The following VCAN variants were observed in gnomAD, a reference collection of about 807,000 sequenced individuals.
VCAN encodes the protein versican core protein.
Under a neutral mutation model 245.5 loss-of-function variants are expected in VCAN, and 44 were observed. The observed-to-expected ratio is 0.18, with a 90% CI of 0.14 to 0.23. The LOEUF (loss-of-function observed/expected upper bound fraction) is 0.23. Among genes scored for constraint, VCAN ranks in the 10% least tolerant of loss-of-function variants. The probability of loss-of-function intolerance (pLI) is 1.00; values close to 1 mark genes in which losing one functional copy is unlikely to be tolerated. For synonymous variants in VCAN, 1,413 were observed against 1,437.0 expected (o/e 0.98, Z 0.38); for missense variants, 3,793 against 4,057.9 (o/e 0.93, Z 1.77).
intron 11 of VCAN, 88 bp from the exon 12 acceptor site, chr5:83,554,868 A>T: frequency 8.0e-7 from 1 of 1,249,838 alleles, no homozygotes; most frequent in South Asian, 1.2e-5. Flanking sequence ...AGGATGCATG[A>T]TTCATGCTGA....
chr5:83,531,171 A>G (rs1337293777), intron 7 of VCAN, among the ~76,000 whole-genome samples: 1 of 152,162 alleles, frequency 6.6e-6, no homozygotes, highest in Non-Finnish European at 1.5e-5. Context: ...GAATCTCTGG[A>G]GTGAGAGGAA....
intron 12 of VCAN, among the ~76,000 whole-genome samples, chr5:83,559,591 T>G (rs1747792498): frequency 6.6e-6 from 1 of 152,090 alleles, no homozygotes; most frequent in African/African-American, 2.4e-5. Context: ...ATACCCTGCA[T>G]AGCCAAGGGT....
Position 83,520,491 on chromosome 5 carries a change from T to A in VCAN, c.2185T>A (p.Ser729Thr). 1 of 1,613,998 alleles carries A rather than the reference T, an allele frequency of 6.2e-7. No individual in the cohort carries two copies. The highest frequency in any genetic ancestry group is 1.1e-5 in the South Asian group (1 of 91,074). Residue 729 changes from serine (S) to threonine (T), a missense_variant, in exon 7 of 15, where the codon TCT becomes ACT. This residue lies in a region of VCAN where 3,182 missense variants were observed against 3,250.3 expected (regional missense o/e 0.98). Coordinates refer to ENST00000265077, the MANE Select transcript of VCAN (RefSeq NM_004385.5). Reference sequence around the variant, plus strand: ...CTTCTCTGGGATGAAACTCTCTACATCTCTCTCAGAGCCAATTCATGTTAC... The same window carrying A: ...CTTCTCTGGGATGAAACTCTCTACAACTCTCTCAGAGCCAATTCATGTTAC... ...EVFSGMKLST[S>T]LSEPIHVTES...
At chr5:83,552,876 C>G (rs1184615248) in intron 10 of VCAN, among the ~76,000 whole-genome samples, 1 of 152,154 alleles carries the variant, frequency 6.6e-6, no homozygotes, top group African/African-American at 2.4e-5. Context: ...TGACAAGAGC[C>G]TGTGACTTCT....
rs528022086 is a variant in VCAN, at chr5:83,545,546, G to C, written c.9275G>C (p.Arg3092Pro). Residue 3092 changes from arginine to proline, a missense_variant, in exon 9 of 15, where the codon CGC becomes CCC. Physicochemically the swap from Arg to Pro is moderately radical, Grantham distance 103 (BLOSUM62 -2). Transcript: ENST00000265077. ...GTAIYLPGPD[R>P]CKMNPCLNGG... ...TTCCTGAATATGGTAGGACCTGATC[G>C]CTGCAAAATGAACCCGTGCCTTAAC... The C allele has an allele frequency of 2.5e-5, 40 of 1,613,980 alleles. No individual in the cohort carries two copies. In the East Asian group the frequency reaches 8.7e-4, roughly 35 times the overall value.
chr5:83,545,163 C>T, intron 8 of VCAN: 1 of 318,504 alleles, frequency 3.1e-6, no homozygotes, highest in Non-Finnish European at 6.1e-6. Flanking sequence ...CATGAACTAA[C>T]CCCATTTAAA....
chr5:83,516,074 T>C (rs1745844631), intron 6 of VCAN, among the ~76,000 whole-genome samples: 1 of 152,094 alleles, frequency 6.6e-6, no homozygotes, highest in South Asian at 2.1e-4. Context: ...CTACTAAAAA[T>C]ACAAAAAATT....
intron 9 of VCAN, among the ~76,000 whole-genome samples, chr5:83,546,481 C>T (rs975039493): frequency 6.6e-5 from 10 of 151,746 alleles, no homozygotes; most frequent in Non-Finnish European, 1.5e-4. Flanking sequence ...ACGAGGCCAG[C>T]GCGGTGGTTC....
At chr5:83,554,389 G>C (rs1488945264) in intron 11 of VCAN, among the ~76,000 whole-genome samples, 1 of 152,200 alleles carries the variant, frequency 6.6e-6, no homozygotes, top group Non-Finnish European at 1.5e-5. Context: ...AATCTGGATA[G>C]AGGTTCATTT....
chr5:83,542,164 A>C lies in VCAN; in HGVS notation c.9161A>C (p.Glu3054Ala). The C allele has an allele frequency of 6.2e-7, 1 of 1,614,128 alleles. No individual in the cohort carries two copies. Residue 3054 changes from glutamate to alanine, a missense_variant, in exon 8 of 15, where the codon GAG (glutamate) becomes GCG (alanine). By Grantham distance (107) the Glu-to-Ala change is moderately radical. Transcript: ENST00000265077. ...ATVNPVEFNT[E>A]VATPPFSLLE... Reference sequence around the variant, plus strand: ...GTAAACCCTGTGGAATTTAATACTGAGGTTGCAACACCACCATTTTCCCTT... The same window carrying C: ...GTAAACCCTGTGGAATTTAATACTGCGGTTGCAACACCACCATTTTCCCTT...
chr5:83,573,628 A>G (rs1393771806), intron 13 of VCAN, among the ~76,000 whole-genome samples: 1 of 152,246 alleles, frequency 6.6e-6, no homozygotes, highest in Non-Finnish European at 1.5e-5. Flanking sequence ...AGCGTGCTTC[A>G]TAAGCCACTT....
intron 5 of VCAN, among the ~76,000 whole-genome samples, chr5:83,496,014 A>G (rs568846996): frequency 6.6e-6 from 1 of 152,176 alleles, no homozygotes; most frequent in Non-Finnish European, 1.5e-5. Context: ...TTTCAAGCCC[A>G]GGGAGGGATT....
rs188886418 is a variant in VCAN at position 83,516,274 on chromosome 5, A to G, written c.1043-3075A>G. Among the ~76,000 whole-genome samples the G allele has an allele frequency of 3.3e-3, 497 of 151,952 alleles. 2 individuals are homozygous for G. Among genetic ancestry groups the G allele is most frequent in the African/African-American group, 0.011 (476 of 41,406 alleles). On this transcript the variant is annotated intron_variant, in intron 6 of 14. Coordinates refer to ENST00000265077, the MANE Select transcript of VCAN (RefSeq NM_004385.5). ...ACTCCAGCCTGGACTACAGAGCAAG[A>G]CTCTGTCTCAAAAAAAAAAATTATA...
chr5:83,525,376 A>G (rs1388057020), intron 7 of VCAN, among the ~76,000 whole-genome samples: 1 of 152,176 alleles, frequency 6.6e-6, no homozygotes, highest in Non-Finnish European at 1.5e-5. Context: ...TTGAAGCTGT[A>G]GGAAGAGTTT....
Position 83,539,430 on chromosome 5 carries a change from C to G in VCAN, c.6427C>G (p.Gln2143Glu). The G allele has an allele frequency of 6.2e-7, 1 of 1,613,644 alleles. No homozygotes were observed. The highest frequency in any genetic ancestry group is 8.5e-7 in the Non-Finnish European group (1 of 1,179,854). The stretch of plus-strand genomic sequence containing the variant: ...AACAGAACAAACAATCTTTGATTCA[C>G]AGACATTTACTGAAACTGAACTCAA... ...PATEQTIFDS[Q>E]TFTETELKTT... The change falls in exon 8 of 15, where the codon CAG (glutamine) becomes GAG (glutamate). Residue 2143 changes from glutamine (Q) to glutamate (E), a missense_variant. Gln to Glu is a conservative substitution (Grantham distance 29). This residue lies in a region of VCAN where 3,182 missense variants were observed against 3,250.3 expected (regional missense o/e 0.98). Transcript: ENST00000265077.
chr5:83,567,484 TAG>T lies in VCAN; in HGVS notation c.9736-4928_9736-4927del, dbSNP rs1748128879. ...TCCGGCTAATTTTTTGTATTTTTAG[TAG>T]AGACGGGGTTTCACTATGTTGGCCA... On this transcript the variant is annotated intron_variant, in intron 12 of 14. Coordinates refer to ENST00000265077, the MANE Select transcript of VCAN (RefSeq NM_004385.5). Among the ~76,000 whole-genome samples the T allele has an allele frequency of 1.6e-4, 8 of 48,714 alleles. No homozygotes were observed. The South Asian group carries it at 4.2e-3, about 26-fold the overall frequency. 32.0% of individuals were successfully genotyped at this position (48,714 alleles called of 152,430 possible).
At chr5:83,494,297 C>T (rs1745087904) in intron 5 of VCAN, among the ~76,000 whole-genome samples, 1 of 152,096 alleles carries the variant, frequency 6.6e-6, no homozygotes, top group Admixed American at 6.5e-5. Context: ...ACTGTGAATC[C>T]AAGTACTGAT....
intron 10 of VCAN, among the ~76,000 whole-genome samples, chr5:83,550,928 T>G (rs1473765435): frequency 7.5e-6 from 1 of 133,674 alleles, no homozygotes; most frequent in African/African-American, 2.7e-5. Context: ...TGTGGATAGT[T>G]GGCTTTGTTT....
chr5:83,473,786 C>G (rs1744286494), intron 1 of VCAN, among the ~76,000 whole-genome samples: 1 of 152,234 alleles, frequency 6.6e-6, no homozygotes, highest in Admixed American at 6.5e-5. Flanking sequence ...AAGCGAGCAT[C>G]TTTCACAACC....
Sources: gnomAD v4.1 joint callset for allele counts (sites outside exome capture counted in the v4.1 genomes callset) on GRCh38, gnomAD v4.1.1 for gene constraint, gnomAD v4.1.1 regional missense constraint, MANE v1.5 for transcripts, NCBI Gene and HGNC (gene_info 2026-07-23, HGNC 2026-07-21) for gene names.